Variants in RNF144A observed in about 807,000 individuals in gnomAD.
RNF144A encodes E3 ubiquitin-protein ligase RNF144A.
Under a neutral mutation model 38.7 loss-of-function variants are expected in RNF144A, and 11 were observed. The observed-to-expected ratio is 0.28, with a 90% CI of 0.18 to 0.47. RNF144A has a LOEUF of 0.47. Ranked by LOEUF, RNF144A falls within the 20% of genes least tolerant of loss-of-function variation. RNF144A has a pLI of 0.99. For missense variants in RNF144A, 316 were observed against 377.2 expected (o/e 0.84, Z 1.34); for synonymous variants, 149 against 143.9 (o/e 1.04, Z -0.25).
intron 8 of RNF144A, among the ~76,000 whole-genome samples, chr2:7,038,821 G>A (rs1193387717): frequency 1.3e-5 from 2 of 151,756 alleles, no homozygotes; most frequent in Non-Finnish European, 2.9e-5. Context: ...TAGATGGGTG[G>A]ATAGGTGGAT....
intron 2 of RNF144A, among the ~76,000 whole-genome samples, chr2:6,942,130 C>T (rs1435564441): frequency 6.6e-6 from 1 of 152,148 alleles, no homozygotes; most frequent in African/African-American, 2.4e-5. Context: ...TGGCAGAGGA[C>T]AAGGCTACAG....
At chr2:6,920,905 C>T (rs1300345670) in intron 1 of RNF144A, among the ~76,000 whole-genome samples, 15 of 152,196 alleles carry the variant, frequency 9.9e-5, no homozygotes, top group Non-Finnish European at 2.2e-4. Flanking sequence ...CCTGGGCCAG[C>T]GTCTTAACCT....
intron 2 of RNF144A, among the ~76,000 whole-genome samples, chr2:6,951,278 T>G (rs1417648076): frequency 7.8e-5 from 1 of 12,872 alleles, no homozygotes; most frequent in Non-Finnish European, 6.3e-4. Context: ...TGTATTCATG[T>G]TTTTTTTTTT....
intron 2 of RNF144A, among the ~76,000 whole-genome samples, chr2:6,959,846 C>T: frequency 6.6e-6 from 1 of 152,152 alleles, no homozygotes; most frequent in East Asian, 1.9e-4. Context: ...CAGAGGGAAC[C>T]AACATTGAAA....
chr2:6,934,107 C>T (rs900876644), intron 1 of RNF144A, among the ~76,000 whole-genome samples: 2 of 152,158 alleles, frequency 1.3e-5, no homozygotes, highest in African/African-American at 4.8e-5. Flanking sequence ...AAAATGACAT[C>T]TACCGTTGTT....
At chr2:7,005,975 C>T (rs1313008430) in intron 3 of RNF144A, among the ~76,000 whole-genome samples, 1 of 149,488 alleles carries the variant, frequency 6.7e-6, no homozygotes, top group Admixed American at 6.7e-5. Flanking sequence ...TAGAGAATTG[C>T]ACATACCCTA....
At chr2:7,052,644 G>T (rs1051835831) in intron 6 of RNF144A, among the ~76,000 whole-genome samples, 1 of 152,118 alleles carries the variant, frequency 6.6e-6, no homozygotes, top group African/African-American at 2.4e-5. Flanking sequence ...AGGGACTCTT[G>T]CAGTCTGTCC....
At chr2:7,000,608 T>C (rs1670034924) in intron 3 of RNF144A, among the ~76,000 whole-genome samples, 1 of 152,156 alleles carries the variant, frequency 6.6e-6, no homozygotes, top group Admixed American at 6.5e-5. Context: ...CAGAGTTGTT[T>C]CCATTCAGAC....
chr2:7,002,744 T>C (rs776601050), intron 3 of RNF144A, among the ~76,000 whole-genome samples: 2 of 152,306 alleles, frequency 1.3e-5, no homozygotes, highest in Non-Finnish European at 1.5e-5. Flanking sequence ...TTTATCGTTA[T>C]TTTAGAGTGT....
intron 2 of RNF144A, among the ~76,000 whole-genome samples, chr2:6,966,884 A>G (rs1667699373): frequency 6.6e-6 from 1 of 152,112 alleles, no homozygotes; most frequent in Non-Finnish European, 1.5e-5. Flanking sequence ...GGTTATATAT[A>G]TATCCTGGCC....
At chr2:6,918,750 C>G (rs528693153) in intron 1 of RNF144A, 3 of 94,718 alleles carry the variant, frequency 3.2e-5, no homozygotes, top group East Asian at 3.3e-4. Flanking sequence ...GGCGACAGAA[C>G]GAGACTCCGT....
At chr2:7,071,600 G>A (rs1035794851), downstream of RNF144A, among the ~76,000 whole-genome samples, 1 of 152,206 alleles carries the variant, frequency 6.6e-6, no homozygotes, top group Non-Finnish European at 1.5e-5. Context: ...ATACCATTGT[G>A]GGTAAAGTAT....
chr2:7,031,863 C>T (rs1672326743), intron 8 of RNF144A, among the ~76,000 whole-genome samples: 1 of 152,252 alleles, frequency 6.6e-6, no homozygotes, highest in Admixed American at 6.5e-5. Context: ...TCAACTCCAC[C>T]TGGCGGCACA....
At chr2:7,013,428 G>A (rs1202222914) in intron 3 of RNF144A, among the ~76,000 whole-genome samples, 1 of 152,258 alleles carries the variant, frequency 6.6e-6, no homozygotes, top group East Asian at 1.9e-4. Context: ...AGCAAACATA[G>A]CTTATTAATT....
At chr2:7,029,080 C>T (rs992587947) in intron 7 of RNF144A, among the ~76,000 whole-genome samples, 1 of 152,192 alleles carries the variant, frequency 6.6e-6, no homozygotes, top group Non-Finnish European at 1.5e-5. Context: ...AGGCCATGAC[C>T]CCTGACCTGC....
chr2:6,932,541 A>C (rs148104315), intron 1 of RNF144A, among the ~76,000 whole-genome samples: 399 of 152,274 alleles, frequency 2.6e-3, no homozygotes, highest in Non-Finnish European at 4.2e-3. Flanking sequence ...AGTTCTTTAA[A>C]ATTGGTGTGT....
chr2:6,941,661 T>C lies in RNF144A; in HGVS notation c.-12+514T>C, dbSNP rs959961656. ...ACTATGCAACAAGGCCTAGATATTG[T>C]AGAGAAAAGAAAAAGTAGACCATGT... On this transcript the variant is annotated intron_variant, in intron 2 of 8. Coordinates refer to ENST00000320892, the MANE Select transcript of RNF144A (RefSeq NM_014746.6). The surrounding 1 kb of genome is among the most constrained non-coding windows in gnomAD (Gnocchi z 6.5). Among the ~76,000 whole-genome samples the C allele has an allele frequency of 5.3e-5, 8 of 152,228 alleles. No individual in the cohort carries two copies. The highest frequency in any genetic ancestry group is 1.9e-4 in the African/African-American group (8 of 41,460).
In RNF144A at chr2:7,041,711, C is replaced by T; in HGVS notation, c.*1951C>T. The T allele has an allele frequency of 1.0e-6, 1 of 985,464 alleles. No individual in the cohort carries two copies. Among genetic ancestry groups the T allele is most frequent in the Non-Finnish European group, 1.2e-6 (1 of 829,976 alleles). The allele number at this position is 985,464 out of a possible 1,614,324, so 61.0% of individuals were successfully genotyped here. On this transcript the variant is annotated 3_prime_UTR_variant, in exon 9 of 9. Transcript: ENST00000320892. ...CCAGCACACATGGGAGGCCTGTGGC[C>T]CTGTGTCCAGTGGCCCACAGGACAC...
downstream of RNF144A, among the ~76,000 whole-genome samples, chr2:7,046,573 A>G (rs115039740): frequency 3.2e-3 from 490 of 152,376 alleles, 1 homozygote; most frequent in African/African-American, 0.011. Flanking sequence ...TAAGTTGCTC[A>G]TGCAGTTCCA....
Sources: gnomAD v4.1 joint callset for allele counts (sites outside exome capture counted in the v4.1 genomes callset) on GRCh38, gnomAD v4.1.1 for gene constraint, Gnocchi (gnomAD v3.1) non-coding constraint, MANE v1.5 for transcripts, NCBI Gene and HGNC (gene_info 2026-07-23, HGNC 2026-07-21) for gene names.